ZCRB1: variants seen among roughly 807,000 people sequenced by gnomAD.
The protein encoded by ZCRB1 is zinc finger CCHC-type and RNA-binding motif-containing protein 1.
ZCRB1 carries 21 observed loss-of-function variants against 29.9 expected under a neutral mutation model. That is an observed-to-expected ratio of 0.70 (90% CI 0.50 to 1.01). ZCRB1 has a LOEUF of 1.01. Among genes scored for constraint, ZCRB1 ranks in the 50% least tolerant of loss-of-function variants. The pLI is 0.00. For synonymous variants in ZCRB1, 77 were observed against 80.0 expected (o/e 0.96, Z 0.20); for missense variants, 204 against 253.3 (o/e 0.81, Z 1.32).
Position 42,317,808 on chromosome 12 carries a change from G to C in ZCRB1, c.204C>G (p.Thr68=). 1 of 1,612,900 alleles carries C rather than the reference G, an allele frequency of 6.2e-7. No homozygotes were observed. Among genetic ancestry groups the C allele is most frequent in the Non-Finnish European group, 8.5e-7 (1 of 1,179,712 alleles). The change falls in exon 4 of 8, where the codon ACC becomes ACG. Residue 68 remains threonine (T), a synonymous_variant. Transcript: ENST00000266529. The stretch of plus-strand genomic sequence containing the variant: ...TTACCTGTTTGTTGTTTATTGCCCT[G>C]GTACAGTTTTGTGCAGAGTCTTTAT... ...FLDKDSAQNC[T]RAINNKQLFG...
chr12:42,319,720 C>A (rs1251642697), intron 3 of ZCRB1, among the ~76,000 whole-genome samples: 3 of 152,172 alleles, frequency 2.0e-5, no homozygotes, highest in South Asian at 2.1e-4. Flanking sequence ...TGCCTCATCT[C>A]ATCTATTTTA....
chr12:42,314,858 A>G (rs1265334572), intron 5 of ZCRB1, among the ~76,000 whole-genome samples: 1 of 152,156 alleles, frequency 6.6e-6, no homozygotes. Context: ...AGACTGAGGC[A>G]CAAGAATTGA....
intron 3 of ZCRB1, 71 bp downstream of exon 3, chr12:42,322,347 A>C (rs998580989): frequency 6.0e-6 from 8 of 1,331,430 alleles, no homozygotes; most frequent in Non-Finnish European, 4.0e-6. Flanking sequence ...AAAATCTGTC[A>C]TTAAAAAAAT....
At chr12:42,321,910 G>A (rs2068623509) in intron 3 of ZCRB1, among the ~76,000 whole-genome samples, 2 of 151,860 alleles carry the variant, frequency 1.3e-5, no homozygotes, top group South Asian at 4.2e-4. Flanking sequence ...TACCATTTTT[G>A]CATGTTTCTA....
chr12:42,316,483 C>T (rs1399914427), intron 5 of ZCRB1, among the ~76,000 whole-genome samples: 1 of 151,918 alleles, frequency 6.6e-6, no homozygotes, highest in Non-Finnish European at 1.5e-5. Flanking sequence ...CAATACAGAC[C>T]TTATACAAAA....
intron 3 of ZCRB1, among the ~76,000 whole-genome samples, chr12:42,321,552 A>G (rs2068621309): frequency 6.6e-6 from 1 of 152,246 alleles, no homozygotes; most frequent in South Asian, 2.1e-4. Flanking sequence ...GATGACAATG[A>G]CTTTTTAAAA....
chr12:42,315,891 C>G (rs995431527), intron 5 of ZCRB1, among the ~76,000 whole-genome samples: 8 of 152,090 alleles, frequency 5.3e-5, no homozygotes, highest in African/African-American at 1.9e-4. Flanking sequence ...TGCTTGCTCA[C>G]TCTTTCTATT....
Position 42,324,400 on chromosome 12 carries a change from A to G in ZCRB1, c.-2-296T>C, listed in dbSNP as rs373908758. ...TGACCTCAAATGATCCACCTGCCTC[A>G]GCCTCCCAAAGTGCTGGGATTACAG... On this transcript the variant is annotated intron_variant, in intron 1 of 7. Transcript: ENST00000266529. Among the ~76,000 whole-genome samples the G allele has an allele frequency of 5.3e-5, 8 of 152,328 alleles. No individual in the cohort carries two copies. In the East Asian group the frequency reaches 1.4e-3, roughly 26 times the overall value.
Position 42,312,892 on chromosome 12 carries a change from T to G in ZCRB1, c.*175A>C, listed in dbSNP as rs1326525964. 3 of 613,832 alleles carry G rather than the reference T, an allele frequency of 4.9e-6. No individual in the cohort carries two copies. Among genetic ancestry groups the G allele is most frequent in the Non-Finnish European group, 6.9e-6 (3 of 434,544 alleles). The allele number at this position is 613,832 out of a possible 1,614,324, so 38.0% of individuals were successfully genotyped here. A position where few individuals can be genotyped will look rare whatever the true frequency, so the allele number is the denominator to read the frequency against. Reference sequence around the variant, plus strand: ...AGTCCTCATGTAAACAAATCAGGCATGAATAAAGCCCTTATAATGAACTTT... The same window carrying G: ...AGTCCTCATGTAAACAAATCAGGCAGGAATAAAGCCCTTATAATGAACTTT... On this transcript the variant is annotated 3_prime_UTR_variant, in exon 8 of 8. Transcript: ENST00000266529.
At chr12:42,314,610 A>T (rs2068586180) in intron 5 of ZCRB1, among the ~76,000 whole-genome samples, 2 of 151,598 alleles carry the variant, frequency 1.3e-5, no homozygotes, top group African/African-American at 4.8e-5. Context: ...ATTTAAATGG[A>T]TCATTTACCC....
intron 5 of ZCRB1, among the ~76,000 whole-genome samples, chr12:42,316,150 A>G (rs2068593498): frequency 6.6e-6 from 1 of 152,066 alleles, no homozygotes; most frequent in African/African-American, 2.4e-5. Flanking sequence ...GCTGGAGTGC[A>G]GTGGAGTAAT....
chr12:42,320,498 G>A (rs937179456), intron 3 of ZCRB1, among the ~76,000 whole-genome samples: 2 of 152,060 alleles, frequency 1.3e-5, no homozygotes, highest in African/African-American at 4.8e-5. Flanking sequence ...CAGTGCAGTG[G>A]TGTGATCTTG....
chr12:42,318,166 A>G (rs1288156705), intron 3 of ZCRB1, among the ~76,000 whole-genome samples: 1 of 152,234 alleles, frequency 6.6e-6, no homozygotes, highest in East Asian at 1.9e-4. Context: ...ATGAAATCTT[A>G]AAGTGTAACC....
intron 3 of ZCRB1, among the ~76,000 whole-genome samples, chr12:42,320,243 T>C (rs1228470831): frequency 2.0e-5 from 3 of 152,202 alleles, no homozygotes; most frequent in African/African-American, 7.2e-5. Context: ...AAAGTCCTTA[T>C]ACGCAAAGTA....
At chr12:42,323,928 A>G (rs2068634701) in intron 2 of ZCRB1, 91 bp downstream of exon 2, 2 of 1,247,982 alleles carry the variant, frequency 1.6e-6, no homozygotes, top group African/African-American at 1.5e-5. Context: ...AAAAGAAAAA[A>G]AAAAAAAGGA....
At chr12:42,318,221 CA>C (rs1421159948) in intron 3 of ZCRB1, among the ~76,000 whole-genome samples, 2 of 152,008 alleles carry the variant, frequency 1.3e-5, no homozygotes, top group African/African-American at 4.8e-5. Context: ...CAAAACAAAA[CA>C]AAATAAAGGT....
chr12:42,317,408 T>C lies in ZCRB1; in HGVS notation c.265A>G (p.Asn89Asp). 6.2e-7 allele frequency: 1 copy of C among 1,612,696 alleles called. No individual in the cohort carries two copies. Among genetic ancestry groups the C allele is most frequent in the Non-Finnish European group, 8.5e-7 (1 of 1,179,594 alleles). The change falls in exon 5 of 8, where the codon AAT becomes GAT. Residue 89 changes from asparagine (N) to aspartate (D), a missense_variant. By Grantham distance (23) the Asn-to-Asp change is conservative. Coordinates refer to ENST00000266529, the MANE Select transcript of ZCRB1 (RefSeq NM_033114.4). ...RVIKASIAID[N>D]GRAAEFIRRR... ...CGGATGAACTCAGCTGCTCTTCCAT[T>C]GTCAATAGCAATGCTTGCTTTTATC...
rs377054304 is a variant in ZCRB1, at chr12:42,323,845, G to A, written c.84+174C>T. On this transcript the variant is annotated intron_variant, in intron 2 of 7. Coordinates refer to ENST00000266529, the MANE Select transcript of ZCRB1 (RefSeq NM_033114.4). The stretch of plus-strand genomic sequence containing the variant: ...GGAGGATCACCTGAGGGGGCGGGGA[G>A]GCTGCAGTGAGCCATGATAGTGCCA... 65 of 598,782 alleles carry A rather than the reference G, an allele frequency of 1.1e-4. No homozygotes were observed. In the East Asian group the frequency reaches 1.5e-3, roughly 14 times the overall value. The allele number at this position is 598,782 out of a possible 1,614,324, so 37.1% of individuals were successfully genotyped here.
At position 42,313,962 on chromosome 12, in the gene ZCRB1, A is replaced by G. The variant is rs2068582014; in HGVS notation, c.358T>C (p.Cys120Arg). 1 of 1,599,420 alleles carries G rather than the reference A, an allele frequency of 6.3e-7. No individual in the cohort carries two copies. Among genetic ancestry groups the G allele is most frequent in the African/African-American group, 1.4e-5 (1 of 73,592 alleles). Residue 120 changes from cysteine (C) to arginine (R), a missense_variant, in exon 6 of 8, where the codon TGT (cysteine) becomes CGT (arginine). Coordinates refer to ENST00000266529, the MANE Select transcript of ZCRB1 (RefSeq NM_033114.4). ...CGESGHLSYA[C>R]PKNMLGEREP... The stretch of plus-strand genomic sequence containing the variant: ...CGTTCTCCGAGCATATTTTTCGGAC[A>G]GGCATAACTTAAGTGTCCACTTTCC...
Sources: allele counts gnomAD v4.1 joint callset (sites outside exome capture counted in the v4.1 genomes callset), GRCh38; gene constraint gnomAD v4.1.1; transcripts MANE v1.5; gene names NCBI Gene and HGNC (gene_info 2026-07-23, HGNC 2026-07-21).